The following GLCE variants were observed in gnomAD, a reference collection of about 807,000 sequenced individuals.
GLCE encodes glucuronic acid epimerase.
GLCE carries 19 observed loss-of-function variants against 47.9 expected under a neutral mutation model. The observed-to-expected ratio is 0.40, with a 90% confidence interval of 0.28 to 0.58. GLCE has a LOEUF of 0.58. Among genes scored for constraint, GLCE ranks in the 20% least tolerant of loss-of-function variants. GLCE has a pLI of 0.48. For synonymous variants in GLCE, 245 were observed against 263.4 expected (o/e 0.93, Z 0.68); for missense variants, 556 against 743.3 (o/e 0.75, Z 2.93).
At chr15:69,248,854 C>G (rs2052794409) in intron 2 of GLCE, among the ~76,000 whole-genome samples, 1 of 152,146 alleles carries the variant, frequency 6.6e-6, no homozygotes, top group Non-Finnish European at 1.5e-5. Context: ...ATCCTCCCAC[C>G]TTGGCCTCCC....
intron 3 of GLCE, among the ~76,000 whole-genome samples, chr15:69,260,264 T>G (rs1173405802): frequency 2.8e-5 from 4 of 143,818 alleles, no homozygotes; most frequent in Non-Finnish European, 6.1e-5. Flanking sequence ...TTTTTTTTTT[T>G]TTTTTTTTTT....
At chr15:69,166,944 G>A (rs998524511) in intron 1 of GLCE, among the ~76,000 whole-genome samples, 7 of 144,648 alleles carry the variant, frequency 4.8e-5, no homozygotes, top group East Asian at 2.1e-4. Flanking sequence ...GGCCGGGTGC[G>A]ATGGCTCACA....
At chr15:69,174,989 A>T (rs188882345) in intron 1 of GLCE, among the ~76,000 whole-genome samples, 72 of 152,314 alleles carry the variant, frequency 4.7e-4, no homozygotes, top group Admixed American at 1.2e-3. Flanking sequence ...TAAAAAAATT[A>T]ACAGGATTAT....
At chr15:69,230,789 A>G (rs1034700981) in intron 2 of GLCE, among the ~76,000 whole-genome samples, 1 of 152,248 alleles carries the variant, frequency 6.6e-6, no homozygotes, top group Non-Finnish European at 1.5e-5. Flanking sequence ...TTAGTTGCTT[A>G]TAACAACACA....
chr15:69,211,767 T>C (rs1483978671), intron 2 of GLCE, among the ~76,000 whole-genome samples: 1 of 152,042 alleles, frequency 6.6e-6, no homozygotes, highest in African/African-American at 2.4e-5. Flanking sequence ...CATGTAATTT[T>C]AAGAAAATAA....
At chr15:69,186,035 A>G (rs558674914) in intron 1 of GLCE, among the ~76,000 whole-genome samples, 1 of 152,312 alleles carries the variant, frequency 6.6e-6, no homozygotes, top group East Asian at 1.9e-4. Flanking sequence ...GAGGATACAG[A>G]TGAAGCGATG....
At chr15:69,260,435 A>G (rs1207511429) in intron 3 of GLCE, among the ~76,000 whole-genome samples, 2 of 151,722 alleles carry the variant, frequency 1.3e-5, no homozygotes, top group Non-Finnish European at 2.9e-5. Context: ...AGCTTTTTGT[A>G]TGTTAGTAGA....
chr15:69,197,047 C>A, intron 1 of GLCE: 1 of 326,332 alleles, frequency 3.1e-6, no homozygotes, highest in Non-Finnish European at 6.1e-6. Context: ...CCAGCAAAAC[C>A]ATTACATCTG....
chr15:69,246,872 A>T (rs1171275928), intron 2 of GLCE, among the ~76,000 whole-genome samples: 1 of 152,214 alleles, frequency 6.6e-6, no homozygotes, highest in East Asian at 1.9e-4. Flanking sequence ...ATGGGCAGTA[A>T]CATTTTGAAG....
chr15:69,263,425 GT>G (rs1388392779), intron 4 of GLCE, among the ~76,000 whole-genome samples: 23 of 151,940 alleles, frequency 1.5e-4, no homozygotes, highest in African/African-American at 5.3e-4. Flanking sequence ...AATGCTGTTG[GT>G]CTTTTTTTTT....
intron 1 of GLCE, among the ~76,000 whole-genome samples, chr15:69,164,823 T>G (rs1434054906): frequency 6.6e-6 from 1 of 152,146 alleles, no homozygotes; most frequent in African/African-American, 2.4e-5. Context: ...TGTTAAAGCA[T>G]TATTATTTTT....
chr15:69,238,726 A>G (rs1429325270), intron 2 of GLCE, among the ~76,000 whole-genome samples: 1 of 152,208 alleles, frequency 6.6e-6, no homozygotes, highest in Non-Finnish European at 1.5e-5. Flanking sequence ...AGGTAACAAA[A>G]CCCAATAGAA....
At chr15:69,238,632 G>A (rs1313129049) in intron 2 of GLCE, among the ~76,000 whole-genome samples, 2 of 152,142 alleles carry the variant, frequency 1.3e-5, no homozygotes, top group Non-Finnish European at 2.9e-5. Context: ...AATGAGAGTA[G>A]CAGGGTTGAC....
At chr15:69,239,492 C>A (rs2052636680) in intron 2 of GLCE, among the ~76,000 whole-genome samples, 1 of 152,132 alleles carries the variant, frequency 6.6e-6, no homozygotes, top group African/African-American at 2.4e-5. Context: ...TTACTAATAG[C>A]AAAACCTGTT....
intron 2 of GLCE, among the ~76,000 whole-genome samples, chr15:69,252,307 A>G (rs530558010): frequency 2.6e-5 from 4 of 152,314 alleles, no homozygotes; most frequent in African/African-American, 9.6e-5. Flanking sequence ...AGGCTATACA[A>G]ACATGGTGCC....
intron 1 of GLCE, among the ~76,000 whole-genome samples, chr15:69,185,373 T>C (rs1175995256): frequency 6.6e-6 from 1 of 152,184 alleles, no homozygotes; most frequent in Non-Finnish European, 1.5e-5. Flanking sequence ...AGCTATCATT[T>C]ACATAGAAAC....
intron 1 of GLCE, among the ~76,000 whole-genome samples, chr15:69,199,553 C>G (rs1419336574): frequency 6.6e-6 from 1 of 152,110 alleles, no homozygotes; most frequent in Non-Finnish European, 1.5e-5. Context: ...TTGAAGAAAA[C>G]TAAGGAATCT....
chr15:69,255,701 C>T (rs1263300512), intron 2 of GLCE, 93 bp from the exon 3 acceptor site: 3 of 732,022 alleles, frequency 4.1e-6, no homozygotes, highest in African/African-American at 3.6e-5. Flanking sequence ...TACAGTTGTT[C>T]AACATTAAAA....
At chr15:69,174,930 T>C (rs2051640999) in intron 1 of GLCE, among the ~76,000 whole-genome samples, 2 of 152,200 alleles carry the variant, frequency 1.3e-5, no homozygotes, top group African/African-American at 2.4e-5. Flanking sequence ...AATCTATTAG[T>C]ACTATATCCT....
Sources: allele counts gnomAD v4.1 joint callset (sites outside exome capture counted in the v4.1 genomes callset), GRCh38; gene constraint gnomAD v4.1.1; transcripts MANE v1.5; gene names NCBI Gene and HGNC (gene_info 2026-07-23, HGNC 2026-07-21).